The following RFX3 variants were observed in gnomAD, a reference collection of about 807,000 sequenced individuals.
RFX3 encodes transcription factor RFX3.
Under a neutral mutation model 98.6 loss-of-function variants are expected in RFX3, and 14 were observed. That is an observed-to-expected ratio of 0.14 (90% CI 0.09 to 0.22). RFX3 has a LOEUF of 0.22. Ranked by LOEUF, RFX3 falls within the 10% of genes least tolerant of loss-of-function variation. The pLI is 1.00. For synonymous variants in RFX3, 383 were observed against 328.4 expected, an observed-to-expected ratio of 1.17 and a Z score of -1.80; for missense variants, 639 against 926.9, an observed-to-expected ratio of 0.69 and a Z score of 4.03.
At chr9:3,443,224 A>G (rs187580934) in intron 1 of RFX3, among the ~76,000 whole-genome samples, 1 of 152,328 alleles carries the variant, frequency 6.6e-6, no homozygotes, top group Non-Finnish European at 1.5e-5. Context: ...GTTCAGCGGT[A>G]TATGTGCAGG....
chr9:3,481,960 A>C (rs1462578338), intron 1 of RFX3, among the ~76,000 whole-genome samples: 1 of 152,124 alleles, frequency 6.6e-6, no homozygotes, highest in African/African-American at 2.4e-5. Flanking sequence ...GAAATGGTAC[A>C]ACCTTTCTAG....
intron 1 of RFX3, among the ~76,000 whole-genome samples, chr9:3,403,810 G>C (rs545165688): frequency 1.8e-3 from 273 of 152,200 alleles, no homozygotes; most frequent in South Asian, 0.013. Flanking sequence ...CAAAAGAAAC[G>C]AGCAGGTAGT....
chr9:3,436,496 A>G (rs1368543786), intron 1 of RFX3, among the ~76,000 whole-genome samples: 1 of 152,110 alleles, frequency 6.6e-6, no homozygotes, highest in East Asian at 1.9e-4. Context: ...ATCAACAGAT[A>G]AGAGTATTTA....
intron 2 of RFX3, among the ~76,000 whole-genome samples, chr9:3,351,006 G>C (rs2131238818): frequency 6.6e-6 from 1 of 152,154 alleles, no homozygotes; most frequent in African/African-American, 2.4e-5. Context: ...GCATGATACT[G>C]TAATGGTGGA....
intron 2 of RFX3, among the ~76,000 whole-genome samples, chr9:3,358,239 C>T (rs1261041021): frequency 6.6e-6 from 1 of 152,098 alleles, no homozygotes; most frequent in East Asian, 1.9e-4. Flanking sequence ...GTCTGTATGA[C>T]AATTATAATA....
At chr9:3,398,914 TAA>T (rs71324247) in intron 1 of RFX3, among the ~76,000 whole-genome samples, 5,046 of 67,434 alleles carry the variant, frequency 0.075, 47 homozygotes, top group East Asian at 0.13. Context: ...TAGAGTATAA[TAA>T]AAAAAAAAAA....
chr9:3,225,192 G>C lies in RFX3; in HGVS notation c.2100C>G (p.Ser700Arg). ...PQAKREKTEL[S>R]QAFPVGCMQP... Reference sequence around the variant, plus strand: ...GCATGCAGCCCACTGGAAATGCCTGGCTCAGCTCTGTTTTCTCTCTTTTGG... The same window carrying C: ...GCATGCAGCCCACTGGAAATGCCTGCCTCAGCTCTGTTTTCTCTCTTTTGG... Residue 700 changes from serine to arginine, a missense_variant, in exon 17 of 17, where the codon AGC becomes AGG. Physicochemically the swap from Ser to Arg is moderately radical, Grantham distance 110. This residue lies in a region of RFX3 where 129 missense variants were observed against 124.6 expected (regional missense o/e 1.04). Transcript: ENST00000617270. The C allele has an allele frequency of 6.2e-7, 1 of 1,613,894 alleles. No individual in the cohort carries two copies. The highest frequency in any genetic ancestry group is 8.5e-7 in the Non-Finnish European group (1 of 1,179,932).
intron 1 of RFX3, among the ~76,000 whole-genome samples, chr9:3,477,141 A>T (rs1026436566): frequency 6.6e-6 from 1 of 152,160 alleles, no homozygotes; most frequent in African/African-American, 2.4e-5. Flanking sequence ...ACTTCTCCAG[A>T]CAGCAAAGTA....
intron 10 of RFX3, 94 bp downstream of exon 10, chr9:3,270,909 G>T: frequency 6.4e-7 from 1 of 1,554,396 alleles, no homozygotes. Flanking sequence ...AATGTCATCA[G>T]GTAAGGTTCA....
At chr9:3,379,519 T>C (rs1045978475) in intron 2 of RFX3, among the ~76,000 whole-genome samples, 32 of 152,164 alleles carry the variant, frequency 2.1e-4, no homozygotes, top group African/African-American at 7.5e-4. Flanking sequence ...ATTAAAGTAG[T>C]TTAACCTAGA....
chr9:3,496,426 A>T (rs569336833), intron 1 of RFX3, among the ~76,000 whole-genome samples: 1 of 152,058 alleles, frequency 6.6e-6, no homozygotes, highest in South Asian at 2.1e-4. Flanking sequence ...AGTACATAAC[A>T]TTCCTCTTTG....
At chr9:3,384,949 A>G (rs569851614) in intron 2 of RFX3, among the ~76,000 whole-genome samples, 1 of 152,312 alleles carries the variant, frequency 6.6e-6, no homozygotes, top group African/African-American at 2.4e-5. Flanking sequence ...ATCTTAGCTT[A>G]AAAGTCAGTC....
At chr9:3,403,077 AGG>A (rs1841628891) in intron 1 of RFX3, among the ~76,000 whole-genome samples, 4 of 152,088 alleles carry the variant, frequency 2.6e-5, no homozygotes, top group Non-Finnish European at 4.4e-5. Context: ...TTAAATAGTC[AGG>A]TACTAAATTT....
intron 1 of RFX3, among the ~76,000 whole-genome samples, chr9:3,491,969 A>G (rs1850754594): frequency 6.6e-6 from 1 of 152,324 alleles, no homozygotes; most frequent in East Asian, 1.9e-4. Context: ...CCAAAGTGCT[A>G]CATTGGCCTC....
intron 4 of RFX3, among the ~76,000 whole-genome samples, chr9:3,310,700 G>C (rs753592576): frequency 6.6e-6 from 1 of 152,144 alleles, no homozygotes; most frequent in Non-Finnish European, 1.5e-5. Flanking sequence ...GACTATGTGG[G>C]ATTGATGGAT....
intron 1 of RFX3, among the ~76,000 whole-genome samples, chr9:3,432,838 T>C (rs1844772121): frequency 6.6e-6 from 1 of 152,156 alleles, no homozygotes; most frequent in Non-Finnish European, 1.5e-5. Context: ...TTCTATGACA[T>C]GGGCGCTAAA....
At chr9:3,429,009 T>A (rs1464801343) in intron 1 of RFX3, among the ~76,000 whole-genome samples, 2 of 151,540 alleles carry the variant, frequency 1.3e-5, no homozygotes, top group East Asian at 3.9e-4. Context: ...ACATTTCTTT[T>A]TAATTTTTAG....
intron 4 of RFX3, among the ~76,000 whole-genome samples, chr9:3,315,577 A>C (rs1462232923): frequency 8.5e-5 from 13 of 152,198 alleles, no homozygotes; most frequent in Non-Finnish European, 1.3e-4. Flanking sequence ...AAAATCAATG[A>C]ATCCAGGAGC....
intron 15 of RFX3, among the ~76,000 whole-genome samples, chr9:3,241,219 TTTTTG>T (rs1291128649): frequency 1.6e-4 from 8 of 49,554 alleles, no homozygotes; most frequent in Non-Finnish European, 3.3e-4. Context: ...GTCTAGGAGT[TTTTTG>T]TTTTTTTTTT....
Sources: gnomAD v4.1 joint callset for allele counts (sites outside exome capture counted in the v4.1 genomes callset) on GRCh38, gnomAD v4.1.1 for gene constraint, gnomAD v4.1.1 regional missense constraint, MANE v1.5 for transcripts, NCBI Gene and HGNC (gene_info 2026-07-23, HGNC 2026-07-21) for gene names.